Variants in HPS5 observed in about 807,000 individuals in gnomAD.
The protein encoded by HPS5 is HPS5 biogenesis of lysosomal organelles complex 2 subunit 2.
HPS5 carries 83 observed loss-of-function variants against 128.0 expected under a neutral mutation model. The observed-to-expected ratio is 0.65, with a 90% confidence interval of 0.54 to 0.78. The LOEUF is 0.78. Among genes scored for constraint, HPS5 ranks in the 30% least tolerant of loss-of-function variants. HPS5 has a pLI of 0.00. For synonymous variants in HPS5, 475 were observed against 470.2 expected (o/e 1.01, Z -0.13); for missense variants, 1,281 against 1,326.2 (o/e 0.97, Z 0.53).
intron 6 of HPS5, 48 bp downstream of exon 6, chr11:18,308,898 C>G (rs752315408): frequency 1.3e-6 from 2 of 1,595,858 alleles, no homozygotes; most frequent in Non-Finnish European, 1.7e-6. Context: ...AAGTTCCTCC[C>G]AGTTCTAAAA....
At position 18,296,917 on chromosome 11, in the gene HPS5, T is replaced by C; in HGVS notation, c.1391A>G (p.Asp464Gly). Residue 464 changes from aspartate (D) to glycine (G), a missense_variant, in exon 12 of 23, where the codon GAT (aspartate) becomes GGT (glycine). Physicochemically the swap from Asp to Gly is moderately conservative, Grantham distance 94. Coordinates refer to ENST00000349215, the MANE Select transcript of HPS5 (RefSeq NM_181507.2). ...IISSRRGSQS[D>G]EDSCSLHSQT... ...GCTGTGAAGGGAGCAAGAGTCTTCATCTGACTGACTGCCTCTTCTACTACT... is the reference window on the plus strand; with the variant it reads ...GCTGTGAAGGGAGCAAGAGTCTTCACCTGACTGACTGCCTCTTCTACTACT... 1 of 1,610,842 alleles carries C rather than the reference T, an allele frequency of 6.2e-7. No homozygotes were observed. The highest frequency in any genetic ancestry group is 8.5e-7 in the Non-Finnish European group (1 of 1,177,168).
chr11:18,282,096 A>G lies in HPS5; in HGVS notation c.3183T>C (p.Asn1061=). 2 of 1,614,164 alleles carry G rather than the reference A, an allele frequency of 1.2e-6. No homozygotes were observed. Among genetic ancestry groups the G allele is most frequent in the Non-Finnish European group, 1.7e-6 (2 of 1,180,012 alleles). Residue 1061 remains asparagine, a synonymous_variant, in exon 22 of 23, where the codon AAT becomes AAC. Coordinates refer to ENST00000349215, the MANE Select transcript of HPS5 (RefSeq NM_181507.2). ...GSLSDGPSPI[N]VENVALLLAK... The stretch of plus-strand genomic sequence containing the variant: ...CTAACAGAAGTGCCACATTCTCCAC[A>G]TTGATGGGGGAAGGCCCATCACTGA...
chr11:18,292,453 CA>C (rs1860530900), intron 15 of HPS5, among the ~76,000 whole-genome samples: 1 of 152,144 alleles, frequency 6.6e-6, no homozygotes, highest in South Asian at 2.1e-4. Flanking sequence ...CTCAGCCTTT[CA>C]AAATGCTGGG....
chr11:18,298,744 G>A, intron 10 of HPS5, 48 bp downstream of exon 10: 1 of 1,573,866 alleles, frequency 6.4e-7, no homozygotes, highest in Admixed American at 1.7e-5. Context: ...CAAGGTAGGA[G>A]AGTTTCACCA....
At chr11:18,306,915 G>A (rs144443621) in intron 6 of HPS5, among the ~76,000 whole-genome samples, 2,367 of 152,236 alleles carry the variant, frequency 0.016, 31 homozygotes, top group Middle Eastern at 0.044. Flanking sequence ...CTGGGAACAC[G>A]GAAGGTGATA....
intron 8 of HPS5, 73 bp from the exon 9 acceptor site, chr11:18,300,989 C>T: frequency 1.2e-6 from 1 of 836,736 alleles, no homozygotes. Context: ...AATTCAGATC[C>T]TTGCATTAGC....
At chr11:18,317,708 G>A (rs375331346) in intron 2 of HPS5, 43 bp downstream of exon 2, 3 of 1,593,180 alleles carry the variant, frequency 1.9e-6, no homozygotes, top group Non-Finnish European at 2.6e-6. Context: ...CAGTAACAGA[G>A]AGCACGTGAA....
intron 8 of HPS5, among the ~76,000 whole-genome samples, chr11:18,303,501 G>A (rs1272976951): frequency 2.0e-5 from 3 of 152,184 alleles, no homozygotes; most frequent in Non-Finnish European, 2.9e-5. Context: ...GTCTACCATG[G>A]TAGGGACTAT....
Position 18,286,546 on chromosome 11 carries a change from A to C in HPS5, c.2837+45T>G, listed in dbSNP as rs1282744022. Reference sequence around the variant, plus strand: ...GACAGAGTGAGATCCTGTCTCAAAAAAAAAAAGTAAAGAAAAAAACAAAGA... The same window carrying C: ...GACAGAGTGAGATCCTGTCTCAAAACAAAAAAGTAAAGAAAAAAACAAAGA... On this transcript the variant is annotated intron_variant, in intron 19 of 22. Transcript: ENST00000349215. 3 of 1,600,366 alleles carry C rather than the reference A, an allele frequency of 1.9e-6. No individual in the cohort carries two copies. The East Asian group carries it at 6.7e-5, about 36-fold the overall frequency.
rs778669578 is a variant in HPS5, at chr11:18,311,508, A to AT, written c.220-58dup. On this transcript the variant is annotated intron_variant, in intron 3 of 22. Coordinates refer to ENST00000349215, the MANE Select transcript of HPS5 (RefSeq NM_181507.2). ...TCTCAAGTTTTACATTATTATTATTATTATTTTTTTTTTTTTTTTTGAGAC... is the reference window on the plus strand; with the variant it reads ...TCTCAAGTTTTACATTATTATTATTATTTATTTTTTTTTTTTTTTTTGAGAC... 3,823 of 778,808 alleles carry AT rather than the reference A, an allele frequency of 4.9e-3. 36 individuals are homozygous for AT. Among genetic ancestry groups the AT allele is most frequent in the African/African-American group, 0.035 (1,604 of 46,132 alleles). The allele number at this position is 778,808 out of a possible 1,614,324, so 48.2% of individuals were successfully genotyped here.
chr11:18,288,734 CTGTGTG>C (rs35752943), intron 16 of HPS5, among the ~76,000 whole-genome samples: 9 of 149,802 alleles, frequency 6.0e-5, no homozygotes, highest in African/African-American at 2.2e-4. Flanking sequence ...GAACTCCTGG[CTGTGTG>C]TGTGTGTGTG....
chr11:18,303,873 T>C (rs1165019489), intron 8 of HPS5, among the ~76,000 whole-genome samples: 1 of 148,240 alleles, frequency 6.7e-6, no homozygotes, highest in Non-Finnish European at 1.5e-5. Flanking sequence ...AAAAAAAAAC[T>C]TGGGTAAGGG....
intron 14 of HPS5, among the ~76,000 whole-genome samples, chr11:18,293,731 G>A (rs1157798783): frequency 6.6e-6 from 1 of 152,068 alleles, no homozygotes; most frequent in East Asian, 1.9e-4. Context: ...TTCCTAAGGA[G>A]GTATTATTTG....
intron 16 of HPS5, among the ~76,000 whole-genome samples, chr11:18,288,801 G>A (rs1241057420): frequency 6.6e-6 from 1 of 151,482 alleles, no homozygotes; most frequent in African/African-American, 2.4e-5. Context: ...CAGTGCCTGT[G>A]TGCACACATG....
Position 18,320,944 on chromosome 11 carries a change from G to T in HPS5, c.-50+1002C>A, listed in dbSNP as rs995150967. On this transcript the variant is annotated intron_variant, in intron 1 of 22. Transcript: ENST00000349215. Reference sequence around the variant, plus strand: ...TACATAAATAAAATCTTCTTAGCCAGTAGCTACATACAGTAGAACTGAGCT... The same window carrying T: ...TACATAAATAAAATCTTCTTAGCCATTAGCTACATACAGTAGAACTGAGCT... 2.6e-5 allele frequency among the ~76,000 whole-genome samples: 4 copies of T among 152,196 alleles called. No homozygotes were observed. The East Asian group carries it at 7.7e-4, about 29-fold the overall frequency.
In HPS5 at chr11:18,296,868, T is replaced by C. The variant is rs1207551164; in HGVS notation, c.1440A>G (p.Arg480=). The change falls in exon 12 of 23, where the codon AGA becomes AGG. Residue 480 remains arginine, a synonymous_variant. Coordinates refer to ENST00000349215, the MANE Select transcript of HPS5 (RefSeq NM_181507.2). ...CCTGCTGTGAGGTGAATTCTTTAAA[T>C]CTCTCATCTTCTGAGAGGGTTTGGC... ...LHSQTLSEDE[R]FKEFTSQQEE... is the part of the protein sequence containing the mutation. The C allele has an allele frequency of 6.2e-7, 1 of 1,613,934 alleles. No individual in the cohort carries two copies. The highest frequency in any genetic ancestry group is 1.1e-5 in the South Asian group (1 of 91,088).
chr11:18,291,880 T>C lies in HPS5; in HGVS notation c.2002A>G (p.Lys668Glu), dbSNP rs747718129. The change falls in exon 16 of 23, where the codon AAA (lysine) becomes GAA (glutamate). Residue 668 changes from lysine to glutamate, a missense_variant. Physicochemically the swap from Lys to Glu is moderately conservative, Grantham distance 56 (BLOSUM62 1). Coordinates refer to ENST00000349215, the MANE Select transcript of HPS5 (RefSeq NM_181507.2). ...GVSDTDNSSM[K>E]LNQDVLLVNE... is the part of the protein sequence containing the mutation. ...ACTAATAGCACATCCTGGTTCAATT[T>C]CATGGATGAGTTGTCAGTATCTGAA... 5.6e-6 allele frequency: 9 copies of C among 1,607,292 alleles called. No homozygotes were observed. In the Admixed American group the frequency reaches 1.5e-4, roughly 27 times the overall value.
intron 5 of HPS5, 74 bp from the exon 6 acceptor site, chr11:18,309,153 T>G: frequency 4.9e-6 from 7 of 1,415,766 alleles, no homozygotes; most frequent in Non-Finnish European, 6.9e-6. Flanking sequence ...CTCTTTACCT[T>G]GTAAATGAAA....
At position 18,309,010 on chromosome 11, in the gene HPS5, C is replaced by CT; in HGVS notation, c.546dup (p.Asp183ArgfsTer19). On this transcript the variant is annotated frameshift_variant, in exon 6 of 23. Transcript: ENST00000349215. LOFTEE classifies it high-confidence loss of function. ...ATAAGTAGCCTTCCATCCAAATAAT[C>CT]TAACTGTACAACACAGGAGTCAACA... 1.2e-6 allele frequency: 2 copies of CT among 1,613,858 alleles called. No individual in the cohort carries two copies. Among genetic ancestry groups the CT allele is most frequent in the Non-Finnish European group, 1.7e-6 (2 of 1,179,790 alleles).
Sources: gnomAD v4.1 joint callset for allele counts (sites outside exome capture counted in the v4.1 genomes callset) on GRCh38, gnomAD v4.1.1 for gene constraint, MANE v1.5 for transcripts, NCBI Gene and HGNC (gene_info 2026-07-23, HGNC 2026-07-21) for gene names.